Variants in EVI5 observed in about 807,000 individuals in gnomAD.
EVI5 encodes ecotropic viral integration site 5, also known as ecotropic viral integration site 5 protein homolog.
EVI5 carries 73 observed loss-of-function variants against 112.0 expected under a neutral mutation model. The observed-to-expected ratio is 0.65, with a 90% CI of 0.54 to 0.79. EVI5 has a LOEUF of 0.79. Ranked by LOEUF, EVI5 falls within the 30% of genes least tolerant of loss-of-function variation. The pLI is 0.00. For synonymous variants in EVI5, 305 were observed against 319.9 expected, an observed-to-expected ratio of 0.95 and a Z score of 0.50; for missense variants, 900 against 968.8, an observed-to-expected ratio of 0.93 and a Z score of 0.94.
At chr1:92,703,694 G>T in intron 3 of EVI5, 75 bp from the exon 4 acceptor site, 1 of 871,332 alleles carries the variant, frequency 1.1e-6, no homozygotes, top group Non-Finnish European at 1.8e-6. Context: ...ACTTATTAGG[G>T]GGTTGGAATG....
At chr1:92,673,434 T>C (rs1451928590) in intron 10 of EVI5, among the ~76,000 whole-genome samples, 2 of 149,556 alleles carry the variant, frequency 1.3e-5, no homozygotes, top group Non-Finnish European at 3.0e-5. Flanking sequence ...AGAATCAAAG[T>C]TTTTTTCCTT....
At chr1:92,768,624 C>T (rs1413365120) in intron 1 of EVI5, among the ~76,000 whole-genome samples, 1 of 152,158 alleles carries the variant, frequency 6.6e-6, no homozygotes, top group Non-Finnish European at 1.5e-5. Flanking sequence ...TCTGTAATCC[C>T]AGGACTTTGG....
intron 18 of EVI5, among the ~76,000 whole-genome samples, chr1:92,585,852 G>GC (rs376717555): frequency 7.1e-6 from 1 of 140,734 alleles, no homozygotes; most frequent in Non-Finnish European, 1.6e-5. Flanking sequence ...TTTTTAACCT[G>GC]TTTTTTTTTT....
intron 13 of EVI5, among the ~76,000 whole-genome samples, chr1:92,646,192 T>C (rs1660927175): frequency 6.6e-6 from 1 of 152,232 alleles, no homozygotes; most frequent in African/African-American, 2.4e-5. Flanking sequence ...TCTAAAATCA[T>C]TTTTAACACT....
At chr1:92,720,571 C>T (rs551276150) in intron 2 of EVI5, among the ~76,000 whole-genome samples, 27 of 152,188 alleles carry the variant, frequency 1.8e-4, no homozygotes, top group African/African-American at 6.5e-4. Flanking sequence ...CCATAAAAAC[C>T]CTAGAAGAAA....
intron 2 of EVI5, among the ~76,000 whole-genome samples, chr1:92,727,228 G>C (rs1192643734): frequency 6.6e-6 from 1 of 152,102 alleles, no homozygotes. Flanking sequence ...AGACTAATGG[G>C]TACAGAGTTT....
At chr1:92,694,669 A>G (rs959350849) in intron 7 of EVI5, among the ~76,000 whole-genome samples, 2 of 152,220 alleles carry the variant, frequency 1.3e-5, no homozygotes, top group African/African-American at 2.4e-5. Context: ...ACAGGTGTGG[A>G]AGAATGGATT....
intron 2 of EVI5, among the ~76,000 whole-genome samples, chr1:92,719,260 C>A (rs944368206): frequency 6.6e-6 from 1 of 151,960 alleles, no homozygotes; most frequent in African/African-American, 2.4e-5. Flanking sequence ...GAATTTTAGA[C>A]CAACATCCCT....
chr1:92,646,269 A>G (rs1220475577), intron 13 of EVI5, among the ~76,000 whole-genome samples: 1 of 152,224 alleles, frequency 6.6e-6, no homozygotes, highest in Non-Finnish European at 1.5e-5. Flanking sequence ...TGAAAATCAC[A>G]TTTAAGTACA....
chr1:92,745,075 C>T (rs1327774905), intron 1 of EVI5, among the ~76,000 whole-genome samples: 1 of 151,392 alleles, frequency 6.6e-6, no homozygotes, highest in African/African-American at 2.4e-5. Flanking sequence ...GGACCACAGG[C>T]ACACAACTAC....
At chr1:92,600,664 C>T (rs1648963286) in intron 18 of EVI5, among the ~76,000 whole-genome samples, 1 of 152,172 alleles carries the variant, frequency 6.6e-6, no homozygotes, top group Admixed American at 6.5e-5. Context: ...GTGCAACCAA[C>T]ACCCCTGACA....
chr1:92,524,103 A>T (rs1015140392), intron 19 of EVI5, among the ~76,000 whole-genome samples: 12 of 151,414 alleles, frequency 7.9e-5, no homozygotes, highest in Admixed American at 5.9e-4. Flanking sequence ...TCTAAAAAAA[A>T]ATAAAAGAAA....
chr1:92,561,537 C>T (rs1353036718), intron 19 of EVI5, among the ~76,000 whole-genome samples: 1 of 151,516 alleles, frequency 6.6e-6, no homozygotes, highest in Non-Finnish European at 1.5e-5. Context: ...TATTTTCTGG[C>T]AGTCCTGATG....
chr1:92,703,788 TG>T (rs1671554818), intron 3 of EVI5, 169 bp from the exon 4 acceptor site: 5 of 573,100 alleles, frequency 8.7e-6, no homozygotes, highest in Non-Finnish European at 1.5e-5. Context: ...AGGGTAAGAT[TG>T]GGCCCTGGGT....
chr1:92,663,699 G>A (rs1247353528), intron 11 of EVI5, among the ~76,000 whole-genome samples: 1 of 152,090 alleles, frequency 6.6e-6, no homozygotes, highest in African/African-American at 2.4e-5. Flanking sequence ...AATTCCAAGT[G>A]GGTTTTCATT....
At chr1:92,536,479 G>T (rs1336314099) in intron 19 of EVI5, among the ~76,000 whole-genome samples, 1 of 152,176 alleles carries the variant, frequency 6.6e-6, no homozygotes, top group African/African-American at 2.4e-5. Context: ...ATTTATAAAA[G>T]ATTACAGCTA....
intron 18 of EVI5, among the ~76,000 whole-genome samples, chr1:92,583,694 A>G (rs1418108270): frequency 6.6e-6 from 1 of 151,146 alleles, no homozygotes; most frequent in East Asian, 1.9e-4. Flanking sequence ...TATTAGAAGT[A>G]TAAGCTACTG....
At chr1:92,776,798 G>A (rs1684194111) in intron 1 of EVI5, among the ~76,000 whole-genome samples, 1 of 146,326 alleles carries the variant, frequency 6.8e-6, no homozygotes, top group African/African-American at 2.5e-5. Context: ...ACCATAGCCA[G>A]CTAACTTTTT....
At chr1:92,636,070 C>T (rs1658763484) in intron 14 of EVI5, 132 bp downstream of exon 14, 3 of 685,922 alleles carry the variant, frequency 4.4e-6, no homozygotes, top group East Asian at 2.9e-5. Flanking sequence ...TTTCCTTTTC[C>T]TCTTAGTAAC....
Sources: allele counts gnomAD v4.1 joint callset (sites outside exome capture counted in the v4.1 genomes callset), GRCh38; gene constraint gnomAD v4.1.1; transcripts MANE v1.5; gene names NCBI Gene and HGNC (gene_info 2026-07-23, HGNC 2026-07-21).